Variants in SLC24A2 observed in about 807,000 individuals in gnomAD.
SLC24A2 encodes sodium/potassium/calcium exchanger 2.
In SLC24A2, 36 loss-of-function variants were observed where a neutral mutation model predicts 62.0. The observed-to-expected ratio is 0.58, with a 90% confidence interval of 0.44 to 0.77. SLC24A2 has a LOEUF of 0.77. Among genes scored for constraint, SLC24A2 ranks in the 30% least tolerant of loss-of-function variants. The probability of loss-of-function intolerance (pLI) is 0.00; values close to 1 mark genes in which losing one functional copy is unlikely to be tolerated. For missense variants in SLC24A2, 846 were observed against 817.9 expected, an observed-to-expected ratio of 1.03 and a Z score of -0.42; for synonymous variants, 358 against 294.0, an observed-to-expected ratio of 1.22 and a Z score of -2.23.
the SLC24A2 span, among the ~76,000 whole-genome samples, chr9:20,182,742 C>A: frequency 1.3e-5 from 2 of 152,108 alleles, no homozygotes; most frequent in African/African-American, 2.4e-5. Flanking sequence ...CGTAACAAAC[C>A]TACACGTTGT....
chr9:20,213,216 G>A, the SLC24A2 span, among the ~76,000 whole-genome samples: 4 of 151,692 alleles, frequency 2.6e-5, no homozygotes, highest in Admixed American at 6.6e-5. Flanking sequence ...CACCCATTTG[G>A]AAGTTTTAAA....
chr9:19,803,336 G>C, the SLC24A2 span, among the ~76,000 whole-genome samples: 1 of 151,752 alleles, frequency 6.6e-6, no homozygotes, highest in African/African-American at 2.4e-5. Flanking sequence ...ACTTTGAAGA[G>C]AGAATTGAAA....
chr9:20,194,325 T>C, the SLC24A2 span, among the ~76,000 whole-genome samples: 26 of 152,146 alleles, frequency 1.7e-4, no homozygotes, highest in African/African-American at 6.3e-4. Flanking sequence ...TAAGGCACTA[T>C]TCTTTAGAGA....
chr9:19,754,359 C>A (rs1587271818), intron 2 of SLC24A2, among the ~76,000 whole-genome samples: 2 of 152,208 alleles, frequency 1.3e-5, no homozygotes, highest in East Asian at 3.9e-4. Context: ...TCATGACAGC[C>A]TGGCCAGCCC....
chr9:19,586,942 T>C (rs919071026), intron 5 of SLC24A2, among the ~76,000 whole-genome samples: 1 of 152,178 alleles, frequency 6.6e-6, no homozygotes, highest in Non-Finnish European at 1.5e-5. Context: ...TTTGTTCCCA[T>C]CCCTGGAACT....
In SLC24A2 at chr9:19,515,099, A is replaced by G. The variant is rs946089779; in HGVS notation, c.*1054T>C. The G allele has an allele frequency of 2.0e-5, 3 of 152,152 alleles. No individual in the cohort carries two copies. The highest frequency in any genetic ancestry group is 7.2e-5 in the African/African-American group (3 of 41,436). The allele number at this position is 152,152 out of a possible 1,614,324, so 9.4% of individuals were successfully genotyped here. ...CAAAATATATCTACATGACAATCAC[A>G]GCTAAACTTACCCCTCTTCTTTTGA... On this transcript the variant is annotated 3_prime_UTR_variant, in exon 11 of 11. Coordinates refer to ENST00000341998, the MANE Select transcript of SLC24A2 (RefSeq NM_020344.4).
chr9:20,052,590 C>T, the SLC24A2 span, among the ~76,000 whole-genome samples: 2 of 152,154 alleles, frequency 1.3e-5, no homozygotes, highest in South Asian at 2.1e-4. Context: ...GAGCCTCATT[C>T]TCTCCTCCAT....
chr9:20,177,294 A>G, the SLC24A2 span, among the ~76,000 whole-genome samples: 3 of 152,166 alleles, frequency 2.0e-5, no homozygotes, highest in African/African-American at 7.2e-5. Flanking sequence ...GATTTTAAAA[A>G]TGTTAATCCA....
the SLC24A2 span, among the ~76,000 whole-genome samples, chr9:19,974,502 T>C: frequency 9.2e-5 from 14 of 152,334 alleles, 1 homozygote; most frequent in South Asian, 2.5e-3. Flanking sequence ...ACCATTTCAA[T>C]ATTCTTTCCT....
intron 2 of SLC24A2, among the ~76,000 whole-genome samples, chr9:19,718,321 C>G (rs1351583331): frequency 2.4e-4 from 24 of 98,650 alleles, no homozygotes; most frequent in Admixed American, 1.3e-3. Flanking sequence ...TAGACAGGGT[C>G]TGGCTCTGTC....
chr9:19,941,281 C>A, the SLC24A2 span, among the ~76,000 whole-genome samples: 1 of 152,056 alleles, frequency 6.6e-6, no homozygotes, highest in African/African-American at 2.4e-5. Context: ...CCAACCCATC[C>A]CTTGAGACTG....
the SLC24A2 span, among the ~76,000 whole-genome samples, chr9:19,905,697 C>T: frequency 2.0e-3 from 311 of 152,226 alleles, 1 homozygote; most frequent in African/African-American, 7.4e-3. Flanking sequence ...GCCCAGCCCC[C>T]TTCCCACCTC....
intron 2 of SLC24A2, among the ~76,000 whole-genome samples, chr9:19,660,211 T>C (rs1229427610): frequency 6.6e-6 from 1 of 152,152 alleles, no homozygotes; most frequent in African/African-American, 2.4e-5. Context: ...GCTGTCTGAG[T>C]AATGACTGCT....
intron 2 of SLC24A2, among the ~76,000 whole-genome samples, chr9:19,685,405 A>C (rs1218751315): frequency 6.6e-6 from 1 of 152,186 alleles, no homozygotes; most frequent in Non-Finnish European, 1.5e-5. Flanking sequence ...AATTAGAAAA[A>C]GCTATCTTAA....
chr9:19,636,304 CTTTTCTTTT>C (rs1818320344), intron 2 of SLC24A2, among the ~76,000 whole-genome samples: 1 of 42,496 alleles, frequency 2.4e-5, no homozygotes, highest in East Asian at 9.5e-4. Context: ...CTTTTCTTTT[CTTTTCTTTT>C]CTTTTCTTTC....
In SLC24A2 at chr9:19,705,815, T is replaced by C. The variant is rs377558261; in HGVS notation, c.930+80122A>G. 7.2e-3 allele frequency among the ~76,000 whole-genome samples: 1,101 copies of C among 152,342 alleles called. 10 individuals are homozygous for C. The highest frequency in any genetic ancestry group is 0.024 in the South Asian group (114 of 4,824). On this transcript the variant is annotated intron_variant, in intron 2 of 10. Transcript: ENST00000341998. ...CTGAGAGACAGTTTGTTATAATTTC[T>C]GTTCTTTTACATTTGCTGAGGAGAG...
chr9:19,996,294 G>T, the SLC24A2 span, among the ~76,000 whole-genome samples: 15,265 of 152,142 alleles, frequency 0.1, 1,056 homozygotes, highest in Middle Eastern at 0.19. Flanking sequence ...CATAAGTCCT[G>T]GGGCATGGTC....
At chr9:20,170,810 A>G in the SLC24A2 span, among the ~76,000 whole-genome samples, 1 of 152,076 alleles carries the variant, frequency 6.6e-6, no homozygotes, top group Non-Finnish European at 1.5e-5. Context: ...AGAATAGAGG[A>G]AAACTTGCCT....
chr9:19,719,880 C>T (rs1403710792), intron 2 of SLC24A2, among the ~76,000 whole-genome samples: 1 of 152,122 alleles, frequency 6.6e-6, no homozygotes, highest in African/African-American at 2.4e-5. Flanking sequence ...AATGCACACA[C>T]AAAATATATA....
Sources: allele counts gnomAD v4.1 joint callset (sites outside exome capture counted in the v4.1 genomes callset), GRCh38; gene constraint gnomAD v4.1.1; transcripts MANE v1.5; gene names NCBI Gene and HGNC (gene_info 2026-07-23, HGNC 2026-07-21).